GRM4: variants seen among roughly 807,000 people sequenced by gnomAD.
GRM4 encodes metabotropic glutamate receptor 4.
GRM4 carries 28 observed loss-of-function variants against 81.7 expected under a neutral mutation model. The observed-to-expected ratio is 0.34, with a 90% CI of 0.25 to 0.47. GRM4 has a LOEUF of 0.47. GRM4 is among the 20% of genes least tolerant of loss of function. The pLI is 1.00. For missense variants in GRM4, 948 were observed against 1,290.0 expected (o/e 0.73, Z 4.06); for synonymous variants, 488 against 528.8 (o/e 0.92, Z 1.06).
chr6:34,020,353 G>A lies in GRM4; in HGVS notation c.*2468C>T, dbSNP rs1763826594. The A allele has an allele frequency of 6.6e-6, 1 of 152,378 alleles. No individual in the cohort carries two copies. Among genetic ancestry groups the A allele is most frequent in the African/African-American group, 2.4e-5 (1 of 41,456 alleles). The allele number at this position is 152,378 out of a possible 1,614,324, so 9.4% of individuals were successfully genotyped here. A position where few individuals can be genotyped will look rare whatever the true frequency, so the allele number is the denominator to read the frequency against. Reference sequence around the variant, plus strand: ...GGGGGACCTAGGCAAGTCCTGGACTGAGCATGAAACCCCTGCAGGCCCTGC... The same window carrying A: ...GGGGGACCTAGGCAAGTCCTGGACTAAGCATGAAACCCCTGCAGGCCCTGC... On this transcript the variant is annotated 3_prime_UTR_variant, in exon 11 of 11. Transcript: ENST00000538487.
chr6:34,107,164 C>T (rs2127497271), intron 2 of GRM4, among the ~76,000 whole-genome samples: 1 of 152,330 alleles, frequency 6.6e-6, no homozygotes, highest in East Asian at 1.9e-4. Context: ...TGCCTGATTC[C>T]TGGCTGCCTC....
intron 2 of GRM4, among the ~76,000 whole-genome samples, chr6:34,107,275 A>G (rs1008662482): frequency 2.0e-5 from 3 of 151,386 alleles, no homozygotes; most frequent in African/African-American, 7.3e-5. Flanking sequence ...GTAAGCTTCC[A>G]CTCCCTCTAG....
intron 2 of GRM4, chr6:34,100,195 C>T (rs1022963825): frequency 4.8e-5 from 11 of 227,800 alleles, no homozygotes; most frequent in Admixed American, 6.5e-5. Context: ...ACTCAGCCTT[C>T]TTCCTGGCAG....
intron 1 of GRM4, among the ~76,000 whole-genome samples, chr6:34,140,051 A>G (rs2127515924): frequency 6.6e-6 from 1 of 152,302 alleles, no homozygotes; most frequent in East Asian, 1.9e-4. Flanking sequence ...TCAGGGGATC[A>G]GGCGATATGA....
Position 34,130,686 on chromosome 6 carries a change from C to T in GRM4, c.519+2292G>A, listed in dbSNP as rs747487436. 1.5e-3 allele frequency among the ~76,000 whole-genome samples: 233 copies of T among 152,340 alleles called. No individual in the cohort carries two copies. Among genetic ancestry groups the T allele is most frequent in the Non-Finnish European group, 2.6e-3 (177 of 68,030 alleles). ...TCTGAGTGACCATTCCTTGAGCCTT[C>T]GCCATGTACCAAGTGATGGGGCACT... On this transcript the variant is annotated intron_variant, in intron 2 of 10. Transcript: ENST00000538487. The surrounding 1 kb of genome is among the most constrained non-coding windows in gnomAD (Gnocchi z 4.1).
At chr6:34,050,118 C>T (rs1765539696) in intron 6 of GRM4, among the ~76,000 whole-genome samples, 1 of 152,226 alleles carries the variant, frequency 6.6e-6, no homozygotes, top group Admixed American at 6.5e-5. Flanking sequence ...CTCTCTGCTT[C>T]AGCCACACTG....
exon 1 of GRM4, chr6:34,155,113 C>A (rs1771123146): frequency 6.5e-7 from 1 of 1,528,554 alleles, no homozygotes; most frequent in Non-Finnish European, 8.8e-7. Flanking sequence ...GCGGGGGCGG[C>A]GGGGGTCTAT....
At position 34,019,108 on chromosome 6, in the gene GRM4, C is replaced by G. The variant is rs117672625; in HGVS notation, c.*3713G>C. 2,527 of 152,472 alleles carry G rather than the reference C, an allele frequency of 0.017. 31 individuals carry two copies. The highest frequency in any genetic ancestry group is 0.057 in the East Asian group (296 of 5,184). 9.4% of individuals were successfully genotyped at this position (152,472 alleles called of 1,614,324 possible). A position where few individuals can be genotyped will look rare whatever the true frequency, so the allele number is the denominator to read the frequency against. ...GCTGAGGCAGTGTGGGGGCAGCTGG[C>G]ATGTGGCCCACTGAGACCTCTGTCC... On this transcript the variant is annotated 3_prime_UTR_variant, in exon 11 of 11. Coordinates refer to ENST00000538487, the MANE Select transcript of GRM4 (RefSeq NM_000841.4).
chr6:34,069,733 A>T lies in GRM4; in HGVS notation c.737-7705T>A, dbSNP rs1247396858. ...TCTCCCAGGAGGGTCTCCCTGATGCACCCAGTGAATTTGGATTTACTGCAA... is the reference window on the plus strand; with the variant it reads ...TCTCCCAGGAGGGTCTCCCTGATGCTCCCAGTGAATTTGGATTTACTGCAA... On this transcript the variant is annotated intron_variant, in intron 3 of 10. Transcript: ENST00000538487. This position sits in a 1 kb window ranked among gnomAD's most constrained non-coding sequence, Gnocchi z 6.4. Among the ~76,000 whole-genome samples the T allele has an allele frequency of 6.6e-6, 1 of 151,332 alleles. No individual in the cohort carries two copies. The highest frequency in any genetic ancestry group is 2.4e-5 in the African/African-American group (1 of 41,110).
upstream of GRM4, among the ~76,000 whole-genome samples, chr6:34,150,019 G>C (rs1016031419): frequency 6.6e-6 from 1 of 152,072 alleles, no homozygotes; most frequent in African/African-American, 2.4e-5. Context: ...AGGCCTCCTG[G>C]GGGTATTGCA....
upstream of GRM4, among the ~76,000 whole-genome samples, chr6:34,151,027 C>T (rs118147644): frequency 1.7e-4 from 26 of 152,114 alleles, no homozygotes; most frequent in East Asian, 4.8e-3. Context: ...CCCTGCCATG[C>T]GCTAAGCACC....
intron 9 of GRM4, among the ~76,000 whole-genome samples, chr6:34,029,976 C>T (rs763697707): frequency 2.6e-5 from 4 of 152,200 alleles, no homozygotes; most frequent in Non-Finnish European, 4.4e-5. Context: ...GAGCACATGC[C>T]GCTCCAGACA....
rs928754459 is a variant in GRM4 at position 34,121,675 on chromosome 6, C to T, written c.519+11303G>A. 2.6e-5 allele frequency among the ~76,000 whole-genome samples: 4 copies of T among 152,186 alleles called. No homozygotes were observed. The highest frequency in any genetic ancestry group is 9.7e-5 in the African/African-American group (4 of 41,432). On this transcript the variant is annotated intron_variant, in intron 2 of 10. Transcript: ENST00000538487. This position sits in a 1 kb window ranked among gnomAD's most constrained non-coding sequence, Gnocchi z 4.6. Reference sequence around the variant, plus strand: ...CAGGGCCAGGGCTGAGCAGAGCATCCCTCCTCCTGGGGCACCACCTCTTAG... The same window carrying T: ...CAGGGCCAGGGCTGAGCAGAGCATCTCTCCTCCTGGGGCACCACCTCTTAG...
rs911292691 is a variant in GRM4, at chr6:34,090,222, A to G, written c.736+1661T>C. On this transcript the variant is annotated intron_variant, in intron 3 of 10. Coordinates refer to ENST00000538487, the MANE Select transcript of GRM4 (RefSeq NM_000841.4). This position sits in a 1 kb window ranked among gnomAD's most constrained non-coding sequence, Gnocchi z 5.2. ...TCCCTCAGGGCAGGGACTGAACACA[A>G]CTGAACACGGAGACTCAGGGCCCTT... is the stretch of plus-strand genomic sequence containing the variant. 6.6e-6 allele frequency among the ~76,000 whole-genome samples: 1 copy of G among 152,148 alleles called. No homozygotes were observed. The highest frequency in any genetic ancestry group is 6.5e-5 in the Admixed American group (1 of 15,276).
rs1463152104 is a variant in GRM4 at position 34,040,619 on chromosome 6, C to T, written c.1298G>A (p.Gly433Glu). ...MHRDLCPGRVGLCPRMDPVDG... is the reference protein window; with the variant it reads ...MHRDLCPGRVELCPRMDPVDG... ...TACAGGGTCCATGCGCGGGCAGAGC[C>T]CCACGCGGCCGGGACACAGGTCACG... The change falls in exon 7 of 11, where the codon GGG becomes GAG. Residue 433 changes from glycine (G) to glutamate (E), a missense_variant. Gly to Glu is a moderately conservative substitution (Grantham distance 98, BLOSUM62 -2). Transcript: ENST00000538487. 8 of 1,614,024 alleles carry T rather than the reference C, an allele frequency of 5.0e-6. No homozygotes were observed. The highest frequency in any genetic ancestry group is 6.8e-6 in the Non-Finnish European group (8 of 1,180,006).
intron 2 of GRM4, among the ~76,000 whole-genome samples, chr6:34,123,293 G>A (rs567549561): frequency 3.3e-5 from 5 of 152,294 alleles, no homozygotes; most frequent in African/African-American, 1.2e-4. Context: ...ATGCAAGGAG[G>A]CTCTGGCACA....
chr6:34,062,097 T>G, intron 3 of GRM4, 69 bp from the exon 4 acceptor site: 1 of 1,523,864 alleles, frequency 6.6e-7, no homozygotes, highest in South Asian at 1.2e-5. Flanking sequence ...TCTCCCAACA[T>G]ACACTCCGGG....
upstream of GRM4, chr6:34,146,221 A>G (rs529426962): frequency 8.2e-6 from 7 of 852,532 alleles, no homozygotes; most frequent in African/African-American, 1.1e-4. Context: ...TGATTCAAGT[A>G]TATAACAAGG....
intron 2 of GRM4, among the ~76,000 whole-genome samples, chr6:34,122,740 C>T (rs1769863475): frequency 6.6e-6 from 1 of 151,914 alleles, no homozygotes; most frequent in South Asian, 2.1e-4. Context: ...GTCTGTCTGT[C>T]TGTCTGTCTG....
Sources: allele counts gnomAD v4.1 joint callset (sites outside exome capture counted in the v4.1 genomes callset), GRCh38; gene constraint gnomAD v4.1.1; non-coding constraint Gnocchi (gnomAD v3.1); transcripts MANE v1.5; gene names NCBI Gene and HGNC (gene_info 2026-07-23, HGNC 2026-07-21).